TNPO3: variants seen among roughly 807,000 people sequenced by gnomAD.
TNPO3 encodes the protein transportin-3.
TNPO3 carries 65 observed loss-of-function variants against 122.8 expected under a neutral mutation model. The observed-to-expected ratio is 0.53, with a 90% CI of 0.43 to 0.65. The LOEUF (loss-of-function observed/expected upper bound fraction) is 0.65. Ranked by LOEUF, TNPO3 falls within the 30% of genes least tolerant of loss-of-function variation. The pLI, the probability that TNPO3 is intolerant of heterozygous loss-of-function variation, is 0.00. For missense variants in TNPO3, 850 were observed against 1,136.7 expected (o/e 0.75, Z 3.63); for synonymous variants, 372 against 411.2 (o/e 0.90, Z 1.15).
At chr7:128,994,834 T>C (rs913604788) in intron 8 of TNPO3, among the ~76,000 whole-genome samples, 14 of 152,030 alleles carry the variant, frequency 9.2e-5, no homozygotes, top group Middle Eastern at 3.2e-3. Flanking sequence ...ATTTTTATAT[T>C]TTTTGTAGAG....
Position 128,993,792 on chromosome 7 carries a change from T to A in TNPO3, c.1266+15A>T. 6.2e-7 allele frequency: 1 copy of A among 1,600,526 alleles called. No homozygotes were observed. Among genetic ancestry groups the A allele is most frequent in the Non-Finnish European group, 8.5e-7 (1 of 1,173,388 alleles). ...GTGACTAGTAAAACTGGAAACAATC[T>A]CCAAATAGGCTTACCTGAGCAAAAC... is the stretch of plus-strand genomic sequence containing the variant. On this transcript the variant is annotated intron_variant, in intron 9 of 22. Coordinates refer to ENST00000265388, the MANE Select transcript of TNPO3 (RefSeq NM_012470.4).
intron 5 of TNPO3, among the ~76,000 whole-genome samples, chr7:129,002,592 C>G (rs1472045858): frequency 6.6e-6 from 1 of 152,140 alleles, no homozygotes; most frequent in African/African-American, 2.4e-5. Flanking sequence ...ATAGTAGGTT[C>G]AAAGATTCTC....
intron 1 of TNPO3, among the ~76,000 whole-genome samples, chr7:129,031,169 G>A (rs1805894429): frequency 6.6e-6 from 1 of 151,980 alleles, no homozygotes; most frequent in South Asian, 2.1e-4. Context: ...CCTGATGGCA[G>A]CTGCCTGTAG....
chr7:129,003,209 G>T (rs1172252169), intron 5 of TNPO3, among the ~76,000 whole-genome samples: 1 of 151,378 alleles, frequency 6.6e-6, no homozygotes, highest in Non-Finnish European at 1.5e-5. Flanking sequence ...GGCGACAGAG[G>T]GAGGAGACTC....
chr7:129,017,182 C>T, intron 2 of TNPO3, 126 bp from the exon 3 acceptor site: 2 of 842,242 alleles, frequency 2.4e-6, no homozygotes, highest in Non-Finnish European at 3.8e-6. Context: ...CCCCTTCCCC[C>T]ATTTCTCCCA....
At chr7:129,000,608 T>C in intron 6 of TNPO3, 41 bp from the exon 7 acceptor site, 1 of 1,589,126 alleles carries the variant, frequency 6.3e-7, no homozygotes, top group African/African-American at 1.3e-5. Flanking sequence ...GTCAGAAATC[T>C]GGATATTATA....
At chr7:128,973,590 G>C (rs934549938) in intron 18 of TNPO3, among the ~76,000 whole-genome samples, 9 of 151,226 alleles carry the variant, frequency 6.0e-5, no homozygotes, top group African/African-American at 2.2e-4. Context: ...CAAAAAATTA[G>C]CTGGGTGTGG....
At chr7:128,993,600 C>T (rs1251907589) in intron 9 of TNPO3, among the ~76,000 whole-genome samples, 2 of 152,148 alleles carry the variant, frequency 1.3e-5, no homozygotes, top group Admixed American at 6.5e-5. Flanking sequence ...AAACCATAAC[C>T]GAATCATCCA....
chr7:129,020,038 T>C (rs544324307), intron 1 of TNPO3, among the ~76,000 whole-genome samples: 3 of 151,990 alleles, frequency 2.0e-5, no homozygotes, highest in African/African-American at 7.2e-5. Context: ...CATGGTGGCA[T>C]GCACCTGTGA....
Position 129,054,795 on chromosome 7 carries a change from G to A in TNPO3, c.-25C>T. On this transcript the variant is annotated 5_prime_UTR_variant, in exon 1 of 23. Coordinates refer to ENST00000265388, the MANE Select transcript of TNPO3 (RefSeq NM_012470.4). ...TGGTGGTGGCGGTAGTGGCGGTAGC[G>A]ACGGCTCTGATTCTTCTCCGGAGGA... The A allele has an allele frequency of 1.9e-6, 3 of 1,613,786 alleles. No homozygotes were observed. The highest frequency in any genetic ancestry group is 1.1e-5 in the South Asian group (1 of 91,070).
chr7:128,995,788 T>A (rs2150363398), intron 8 of TNPO3, among the ~76,000 whole-genome samples: 1 of 152,316 alleles, frequency 6.6e-6, no homozygotes, highest in East Asian at 1.9e-4. Flanking sequence ...AACCTCCACC[T>A]CCTGGGTTCA....
At chr7:128,994,010 C>T in intron 8 of TNPO3, 96 bp from the exon 9 acceptor site, 1 of 1,156,454 alleles carries the variant, frequency 8.6e-7, no homozygotes, top group Non-Finnish European at 1.2e-6. Context: ...ATTAAGCAGT[C>T]AAGTTTCAAT....
intron 2 of TNPO3, 69 bp from the exon 3 acceptor site, chr7:129,017,125 G>A: frequency 4.3e-6 from 6 of 1,403,094 alleles, no homozygotes; most frequent in Non-Finnish European, 6.0e-6. Flanking sequence ...TATTAATTGG[G>A]AAGCAAAGAA....
chr7:128,998,651 T>C (rs977519019), intron 7 of TNPO3, among the ~76,000 whole-genome samples: 1 of 151,658 alleles, frequency 6.6e-6, no homozygotes. Context: ...GCCTCCTGAG[T>C]AGCTGGGATG....
chr7:129,054,188 T>TTTCGA, intron 1 of TNPO3, among the ~76,000 whole-genome samples: 1 of 151,048 alleles, frequency 6.6e-6, no homozygotes, highest in African/African-American at 2.4e-5. Flanking sequence ...CAAACTGGAG[T>TTTCGA]GAAAATAGGC....
rs559895705 is a variant in TNPO3 at position 128,993,783 on chromosome 7, G to T, written c.1266+24C>A. On this transcript the variant is annotated intron_variant, in intron 9 of 22. Coordinates refer to ENST00000265388, the MANE Select transcript of TNPO3 (RefSeq NM_012470.4). ...ACAATTAAGGTGACTAGTAAAACTGGAAACAATCTCCAAATAGGCTTACCT... is the reference window on the plus strand; with the variant it reads ...ACAATTAAGGTGACTAGTAAAACTGTAAACAATCTCCAAATAGGCTTACCT... 3.1e-6 allele frequency: 5 copies of T among 1,588,954 alleles called. No individual in the cohort carries two copies. The African/African-American group carries it at 6.7e-5, about 21-fold the overall frequency.
chr7:129,031,449 T>C (rs966605441), intron 1 of TNPO3, among the ~76,000 whole-genome samples: 2 of 152,096 alleles, frequency 1.3e-5, no homozygotes, highest in Non-Finnish European at 2.9e-5. Flanking sequence ...ATAACTTACA[T>C]GAAATAAACA....
intron 3 of TNPO3, 111 bp downstream of exon 3, chr7:129,016,868 TTCTA>T (rs2150433053): frequency 1.2e-6 from 1 of 829,506 alleles, no homozygotes; most frequent in Admixed American, 2.2e-5. Flanking sequence ...AATAACATAA[TTCTA>T]TGTTAAGAGT....
At chr7:128,976,003 TC>T in intron 16 of TNPO3, 68 bp from the exon 17 acceptor site, 1 of 1,083,762 alleles carries the variant, frequency 9.2e-7, no homozygotes, top group Non-Finnish European at 1.4e-6. Context: ...CGAAGCTGTC[TC>T]CAGGAAGAAA....
Sources: allele counts gnomAD v4.1 joint callset (sites outside exome capture counted in the v4.1 genomes callset), GRCh38; gene constraint gnomAD v4.1.1; transcripts MANE v1.5; gene names NCBI Gene and HGNC (gene_info 2026-07-23, HGNC 2026-07-21).